PDZRN4: variants seen among roughly 807,000 people sequenced by gnomAD.
The protein encoded by PDZRN4 is PDZ domain-containing RING finger protein 4.
Under a neutral mutation model 99.0 loss-of-function variants are expected in PDZRN4, and 70 were observed. That is an observed-to-expected ratio of 0.71 (90% CI 0.58 to 0.86). The LOEUF (loss-of-function observed/expected upper bound fraction) is 0.86, where lower values mean the gene tolerates loss of function less well. Ranked by LOEUF, PDZRN4 falls within the 40% of genes least tolerant of loss-of-function variation. The pLI is 0.00. For synonymous variants in PDZRN4, 551 were observed against 501.6 expected (o/e 1.10, Z -1.32); for missense variants, 1,474 against 1,331.2 (o/e 1.11, Z -1.67).
At chr12:41,408,057 A>G (rs2120366009) in intron 3 of PDZRN4, among the ~76,000 whole-genome samples, 1 of 152,352 alleles carries the variant, frequency 6.6e-6, no homozygotes, top group East Asian at 1.9e-4. Flanking sequence ...GAGTTAGCTG[A>G]GTAGAGAAAT....
chr12:41,193,844 A>C (rs1950752700), intron 2 of PDZRN4, among the ~76,000 whole-genome samples: 1 of 152,152 alleles, frequency 6.6e-6, no homozygotes, highest in South Asian at 2.1e-4. Context: ...TTTTATGTGA[A>C]CTCAAAAATG....
rs1000168889 is a variant in PDZRN4, at chr12:41,498,529, G to T, written c.844-7927G>T. Among the ~76,000 whole-genome samples, 5 of 152,252 alleles carry T rather than the reference G, an allele frequency of 3.3e-5. No homozygotes were observed. In the East Asian group the frequency reaches 9.7e-4, roughly 29 times the overall value. On this transcript the variant is annotated intron_variant, in intron 3 of 9. Coordinates refer to ENST00000402685, the MANE Select transcript of PDZRN4 (RefSeq NM_001164595.2). ...GGATGCCAGAGAGCAAAAGGTTTGG[G>T]AAGGAGAGTAAACACATTGTTTTAT... is the stretch of plus-strand genomic sequence containing the variant.
At chr12:41,351,956 G>A (rs1041383423) in intron 3 of PDZRN4, among the ~76,000 whole-genome samples, 1 of 120,014 alleles carries the variant, frequency 8.3e-6, no homozygotes, top group African/African-American at 3.1e-5. Flanking sequence ...ATCAGTCTGG[G>A]CAACAAAGAG....
chr12:41,474,888 A>G (rs1161361414), intron 3 of PDZRN4, among the ~76,000 whole-genome samples: 2 of 152,240 alleles, frequency 1.3e-5, no homozygotes, highest in African/African-American at 4.8e-5. Context: ...GATTCTGACT[A>G]GCTAGAATTA....
At chr12:41,437,086 T>C (rs373802628) in intron 3 of PDZRN4, among the ~76,000 whole-genome samples, 1 of 152,192 alleles carries the variant, frequency 6.6e-6, no homozygotes, top group African/African-American at 2.4e-5. Flanking sequence ...ACAAGTATCA[T>C]CTGCTAATAC....
intron 5 of PDZRN4, among the ~76,000 whole-genome samples, chr12:41,546,589 T>A (rs1020932281): frequency 6.6e-6 from 1 of 152,318 alleles, no homozygotes; most frequent in East Asian, 1.9e-4. Context: ...CTTTGCTTCT[T>A]GTGTTTTTCA....
chr12:41,491,531 C>G (rs1937885957), intron 3 of PDZRN4, among the ~76,000 whole-genome samples: 1 of 151,944 alleles, frequency 6.6e-6, no homozygotes, highest in African/African-American at 2.4e-5. Flanking sequence ...CAAAAACAAA[C>G]AAACAAAAAA....
intron 3 of PDZRN4, among the ~76,000 whole-genome samples, chr12:41,413,565 C>T (rs534997638): frequency 5.9e-5 from 9 of 151,998 alleles, no homozygotes; most frequent in South Asian, 2.1e-4. Context: ...AGATGACGGA[C>T]GTGCTAATTA....
chr12:41,532,047 T>G (rs1592099674), intron 5 of PDZRN4, among the ~76,000 whole-genome samples: 1 of 152,336 alleles, frequency 6.6e-6, no homozygotes, highest in Admixed American at 6.5e-5. Flanking sequence ...TTCTAAATTT[T>G]TAAAAACAAT....
At chr12:41,489,318 C>T (rs181800441) in intron 3 of PDZRN4, among the ~76,000 whole-genome samples, 3 of 152,152 alleles carry the variant, frequency 2.0e-5, no homozygotes, top group Admixed American at 1.3e-4. Flanking sequence ...TGCTAAACAT[C>T]CTTAATGCAG....
chr12:41,551,433 T>TC (rs1939053562), intron 5 of PDZRN4, among the ~76,000 whole-genome samples: 1 of 152,080 alleles, frequency 6.6e-6, no homozygotes, highest in South Asian at 2.1e-4. Flanking sequence ...TTATCAACTT[T>TC]CATAATCTTT....
chr12:41,427,689 C>A (rs1952548869), intron 3 of PDZRN4, among the ~76,000 whole-genome samples: 1 of 152,004 alleles, frequency 6.6e-6, no homozygotes, highest in Non-Finnish European at 1.5e-5. Context: ...TTTAGACAAC[C>A]ATATGAGGAC....
chr12:41,265,820 G>A (rs570329191), intron 3 of PDZRN4, among the ~76,000 whole-genome samples: 1 of 151,974 alleles, frequency 6.6e-6, no homozygotes, highest in Non-Finnish European at 1.5e-5. Flanking sequence ...ATAAATATCA[G>A]GGTACCATAA....
intron 3 of PDZRN4, among the ~76,000 whole-genome samples, chr12:41,486,160 C>T (rs1034700138): frequency 1.3e-5 from 2 of 152,060 alleles, no homozygotes. Flanking sequence ...TGGATGACCA[C>T]TGGACAGAGA....
intron 3 of PDZRN4, among the ~76,000 whole-genome samples, chr12:41,358,783 T>A (rs1918221): frequency 0.48 from 72,592 of 151,716 alleles, 18,175 homozygotes; most frequent in Middle Eastern, 0.65. Flanking sequence ...CATCTTCCAG[T>A]TGCTTGAGTG....
chr12:41,433,493 G>GT (rs1725727383), intron 3 of PDZRN4, among the ~76,000 whole-genome samples: 1 of 152,198 alleles, frequency 6.6e-6, no homozygotes, highest in Admixed American at 6.5e-5. Flanking sequence ...AAGCACGTAA[G>GT]TATCTCCTGA....
At chr12:41,278,346 T>G (rs1444943093) in intron 3 of PDZRN4, among the ~76,000 whole-genome samples, 1 of 152,186 alleles carries the variant, frequency 6.6e-6, no homozygotes, top group East Asian at 1.9e-4. Flanking sequence ...TCAAGGAGAC[T>G]TTTTAATTTC....
intron 3 of PDZRN4, among the ~76,000 whole-genome samples, chr12:41,410,777 T>A (rs1388424503): frequency 1.3e-5 from 2 of 152,122 alleles, no homozygotes; most frequent in Non-Finnish European, 2.9e-5. Flanking sequence ...TTACATAACA[T>A]GACGAAATGC....
intron 3 of PDZRN4, among the ~76,000 whole-genome samples, chr12:41,227,697 C>T (rs75332197): frequency 1.3e-5 from 2 of 151,974 alleles, no homozygotes; most frequent in African/African-American, 2.4e-5. Flanking sequence ...AACATTAAGA[C>T]ATTGATGCTA....
Sources: allele counts gnomAD v4.1 joint callset (sites outside exome capture counted in the v4.1 genomes callset), GRCh38; gene constraint gnomAD v4.1.1; transcripts MANE v1.5; gene names NCBI Gene and HGNC (gene_info 2026-07-23, HGNC 2026-07-21).